The following SH3KBP1 variants were observed in gnomAD, a reference collection of about 807,000 sequenced individuals.
SH3KBP1 encodes the protein SH3 domain containing kinase binding protein 1, also known as SH3 domain-containing kinase-binding protein 1.
SH3KBP1 carries 8 observed loss-of-function variants against 50.1 expected under a neutral mutation model. That is an observed-to-expected ratio of 0.16 (90% CI 0.09 to 0.29). SH3KBP1 has a LOEUF of 0.29. Ranked by LOEUF, SH3KBP1 falls within the 10% of genes least tolerant of loss-of-function variation. The pLI is 1.00. For missense variants in SH3KBP1, 377 were observed against 535.2 expected (o/e 0.70, Z 2.92); for synonymous variants, 227 against 218.6 (o/e 1.04, Z -0.34).
At chrX:19,615,972 G>C (rs1450866227) in intron 8 of SH3KBP1, among the ~76,000 whole-genome samples, 1 of 106,710 alleles carries the variant, frequency 9.4e-6, no homozygotes, top group Non-Finnish European at 1.9e-5. Context: ...CTGGAGTGCA[G>C]TGGCATTCCA....
intron 9 of SH3KBP1, among the ~76,000 whole-genome samples, chrX:19,597,790 T>A (rs925135046): frequency 2.7e-5 from 3 of 112,713 alleles, no homozygotes; most frequent in African/African-American, 9.7e-5. Context: ...AGTCACCAGA[T>A]GCATTAGCCC....
chrX:19,639,241 C>T (rs1189478170), intron 7 of SH3KBP1, among the ~76,000 whole-genome samples: 2 of 111,941 alleles, frequency 1.8e-5, no homozygotes, highest in Non-Finnish European at 3.8e-5. Context: ...TAACTCCAAA[C>T]AACCACCTTC....
intron 3 of SH3KBP1, among the ~76,000 whole-genome samples, chrX:19,733,258 GTAAC>G (rs2064433037): frequency 9.0e-6 from 1 of 110,927 alleles, no homozygotes; most frequent in African/African-American, 3.3e-5. Flanking sequence ...ATAAATGAGA[GTAAC>G]TAAATCCTTT....
At position 19,836,130 on chromosome X, in the gene SH3KBP1, C is replaced by T; in HGVS notation, c.157G>A (p.Val53Ile). 8.3e-7 allele frequency: 1 copy of T among 1,210,744 alleles called. No homozygotes were observed. Among genetic ancestry groups the T allele is most frequent in the Non-Finnish European group, 1.1e-6 (1 of 895,097 alleles). Reference sequence around the variant, plus strand: ...GGGTTTTGCTTTGTACTCACTCTTACAAAGTTGTCAGGGAACAAACCTCTC... The same window carrying T: ...GGGTTTTGCTTTGTACTCACTCTTATAAAGTTGTCAGGGAACAAACCTCTC... The part of the protein sequence containing the change: ...GRRGLFPDNF[V>I]REIKKEMKKD... The change falls in exon 2 of 18, where the codon GTA becomes ATA. Residue 53 changes from valine to isoleucine, a missense_variant. Val to Ile is a conservative substitution (Grantham distance 29). Transcript: ENST00000397821.
At chrX:19,883,316 T>C (rs2069495153) in intron 1 of SH3KBP1, among the ~76,000 whole-genome samples, 1 of 112,423 alleles carries the variant, frequency 8.9e-6, no homozygotes, top group Non-Finnish European at 1.9e-5. Flanking sequence ...CACTAAGTAT[T>C]TGGGCTATTT....
chrX:19,625,095 G>A (rs1288765670), intron 8 of SH3KBP1, among the ~76,000 whole-genome samples: 1 of 112,103 alleles, frequency 8.9e-6, no homozygotes, highest in Non-Finnish European at 1.9e-5. Flanking sequence ...CTTTCTTCCT[G>A]CCAAGCTAAG....
chrX:19,599,890 G>A (rs1397820934), intron 9 of SH3KBP1, among the ~76,000 whole-genome samples: 1 of 110,831 alleles, frequency 9.0e-6, no homozygotes, highest in Non-Finnish European at 1.9e-5. Context: ...GCTCACGCCT[G>A]TAATCCCAGC....
intron 3 of SH3KBP1, among the ~76,000 whole-genome samples, chrX:19,742,832 T>C (rs946322168): frequency 1.8e-5 from 2 of 112,320 alleles, no homozygotes; most frequent in South Asian, 7.3e-4. Flanking sequence ...TCACATTTTC[T>C]GGCTTAACTC....
intron 6 of SH3KBP1, 104 bp downstream of exon 6, chrX:19,683,719 G>A: frequency 1.4e-6 from 1 of 737,632 alleles, no homozygotes; most frequent in Non-Finnish European, 2.1e-6. Flanking sequence ...ATGAGGACAT[G>A]GAAACCCTAA....
intron 12 of SH3KBP1, among the ~76,000 whole-genome samples, chrX:19,576,981 C>A (rs949354333): frequency 8.9e-6 from 1 of 112,210 alleles, no homozygotes; most frequent in African/African-American, 3.2e-5. Flanking sequence ...CTCAGATGGG[C>A]CATTTTGGCT....
chrX:19,615,557 G>A (rs777408380), intron 8 of SH3KBP1, among the ~76,000 whole-genome samples: 56 of 112,104 alleles, frequency 5.0e-4, no homozygotes, highest in African/African-American at 1.7e-3. Context: ...GCTTAGGGGT[G>A]GGGGCTATTG....
intron 6 of SH3KBP1, among the ~76,000 whole-genome samples, chrX:19,680,704 T>A (rs762218543): frequency 2.7e-5 from 3 of 112,418 alleles, no homozygotes; most frequent in Middle Eastern, 4.6e-3. Context: ...TAAAACAGAA[T>A]CACACTTATC....
intron 2 of SH3KBP1, among the ~76,000 whole-genome samples, chrX:19,769,751 A>G (rs2065730989): frequency 9.0e-6 from 1 of 111,107 alleles, no homozygotes; most frequent in Non-Finnish European, 1.9e-5. Context: ...CTCTCTAGTC[A>G]ATATGACAGA....
intron 3 of SH3KBP1, among the ~76,000 whole-genome samples, chrX:19,727,157 A>C (rs1208541892): frequency 8.9e-6 from 1 of 112,275 alleles, no homozygotes; most frequent in Non-Finnish European, 1.9e-5. Context: ...ATTGTGGTAA[A>C]GCATTCATAA....
At chrX:19,816,669 G>A (rs1254085867) in intron 2 of SH3KBP1, among the ~76,000 whole-genome samples, 4 of 111,180 alleles carry the variant, frequency 3.6e-5, no homozygotes, top group Non-Finnish European at 7.5e-5. Context: ...TTAGCCAGGC[G>A]TGGTGGCTCA....
chrX:19,553,961 T>TATATATTATATATTAAA (rs1569277614), intron 13 of SH3KBP1, among the ~76,000 whole-genome samples: 59 of 66,647 alleles, frequency 8.9e-4, no homozygotes, highest in Non-Finnish European at 1.4e-3. Context: ...TAAAATATAA[T>TATATATTATATATTAAA]ATATAATATA....
chrX:19,648,375 G>A (rs1204873679), intron 6 of SH3KBP1, among the ~76,000 whole-genome samples: 1 of 103,438 alleles, frequency 9.7e-6, no homozygotes, highest in Non-Finnish European at 2.0e-5. Flanking sequence ...AGGAGGGAAG[G>A]AGGGCAAGAG....
intron 2 of SH3KBP1, among the ~76,000 whole-genome samples, chrX:19,813,789 A>G: frequency 9.0e-6 from 1 of 111,392 alleles, no homozygotes; most frequent in East Asian, 2.8e-4. Context: ...TCCTAACTCC[A>G]TCTCAGCATC....
chrX:19,844,284 G>A (rs1203818466), intron 1 of SH3KBP1, among the ~76,000 whole-genome samples: 1 of 111,598 alleles, frequency 9.0e-6, no homozygotes, highest in Non-Finnish European at 1.9e-5. Flanking sequence ...TCTGGTGTCT[G>A]GCACAAAGTA....
Sources: allele counts gnomAD v4.1 joint callset (sites outside exome capture counted in the v4.1 genomes callset), GRCh38; gene constraint gnomAD v4.1.1; transcripts MANE v1.5; gene names NCBI Gene and HGNC (gene_info 2026-07-23, HGNC 2026-07-21).